TFEC: variants seen among roughly 807,000 people sequenced by gnomAD.
The protein encoded by TFEC is class E basic helix-loop-helix protein 34.
TFEC carries 31 observed loss-of-function variants against 41.6 expected under a neutral mutation model. The observed-to-expected ratio is 0.74, with a 90% CI of 0.56 to 1.01. TFEC has a LOEUF of 1.01. Among genes scored for constraint, TFEC ranks in the 50% least tolerant of loss-of-function variants. The probability of loss-of-function intolerance (pLI) is 0.00; values close to 1 mark genes in which losing one functional copy is unlikely to be tolerated. For synonymous variants in TFEC, 143 were observed against 140.6 expected (o/e 1.02, Z -0.12); for missense variants, 402 against 404.1 (o/e 0.99, Z 0.04).
At chr7:116,148,439 C>T (rs776764105) in intron 1 of TFEC, among the ~76,000 whole-genome samples, 15 of 152,044 alleles carry the variant, frequency 9.9e-5, no homozygotes, top group African/African-American at 3.6e-4. Flanking sequence ...ACAGAATCCA[C>T]GAACAGAGCA....
intron 1 of TFEC, among the ~76,000 whole-genome samples, chr7:116,123,355 G>T (rs922687152): frequency 2.0e-5 from 3 of 151,998 alleles, no homozygotes; most frequent in Non-Finnish European, 2.9e-5. Context: ...CTTAGTTTAT[G>T]ATTCTAGTTT....
chr7:116,131,874 G>C (rs1389957776), intron 1 of TFEC, among the ~76,000 whole-genome samples: 1 of 152,164 alleles, frequency 6.6e-6, no homozygotes, highest in Non-Finnish European at 1.5e-5. Context: ...AAAGTGAATT[G>C]AGATGAGCTT....
chr7:116,004,232 T>TA (rs1291497527), intron 1 of TFEC, among the ~76,000 whole-genome samples: 1 of 152,112 alleles, frequency 6.6e-6, no homozygotes, highest in African/African-American at 2.4e-5. Flanking sequence ...AGCCTCTAGC[T>TA]AACTAAGAAA....
chr7:116,010,529 G>A (rs1584691514), intron 1 of TFEC, among the ~76,000 whole-genome samples: 1 of 152,112 alleles, frequency 6.6e-6, no homozygotes, highest in South Asian at 2.1e-4. Context: ...AAGCCTTGAA[G>A]ATGTCCAGGA....
At chr7:116,104,181 T>G (rs1797666174) in intron 3 of TFEC, among the ~76,000 whole-genome samples, 1 of 152,134 alleles carries the variant, frequency 6.6e-6, no homozygotes, top group Non-Finnish European at 1.5e-5. Flanking sequence ...GACCCAGAAA[T>G]GTAGGTATTG....
chr7:116,066,601 G>A (rs1584474915), intron 3 of TFEC, among the ~76,000 whole-genome samples: 1 of 152,074 alleles, frequency 6.6e-6, no homozygotes, highest in South Asian at 2.1e-4. Context: ...AGGAAAAGTG[G>A]AAAATATTTG....
chr7:115,982,625 A>G (rs1793678332), intron 2 of TFEC, among the ~76,000 whole-genome samples: 1 of 152,202 alleles, frequency 6.6e-6, no homozygotes, highest in South Asian at 2.1e-4. Context: ...ACTTTTGTAT[A>G]CATAATTTAA....
chr7:116,019,406 T>C (rs1451204410), intron 1 of TFEC, among the ~76,000 whole-genome samples: 1 of 152,212 alleles, frequency 6.6e-6, no homozygotes, highest in Non-Finnish European at 1.5e-5. Context: ...TTCCCAAAGG[T>C]TGCAGCATCC....
chr7:116,035,597 TAAA>T (rs1562945702), upstream of TFEC, among the ~76,000 whole-genome samples: 1 of 151,956 alleles, frequency 6.6e-6, no homozygotes, highest in African/African-American at 2.4e-5. Context: ...TTTTGAAAAT[TAAA>T]AAAGTAAAGA....
intron 1 of TFEC, among the ~76,000 whole-genome samples, chr7:116,026,060 C>T (rs765760535): frequency 5.9e-5 from 9 of 152,178 alleles, no homozygotes; most frequent in Non-Finnish European, 1.0e-4. Flanking sequence ...TCAAAATATG[C>T]TAAAACATAA....
intron 1 of TFEC, among the ~76,000 whole-genome samples, chr7:116,126,608 A>G (rs1798213948): frequency 6.6e-6 from 1 of 152,142 alleles, no homozygotes; most frequent in South Asian, 2.1e-4. Flanking sequence ...AATCTGAGAG[A>G]AAATGACTTT....
At chr7:116,055,336 C>T (rs1395045910) in intron 3 of TFEC, among the ~76,000 whole-genome samples, 1 of 152,014 alleles carries the variant, frequency 6.6e-6, no homozygotes, top group Non-Finnish European at 1.5e-5. Flanking sequence ...TTAAATATGG[C>T]TTCTTTCCTT....
At chr7:115,972,859 GAAGT>G (rs752052406) in intron 3 of TFEC, among the ~76,000 whole-genome samples, 2 of 151,990 alleles carry the variant, frequency 1.3e-5, no homozygotes, top group Non-Finnish European at 1.5e-5. Context: ...CAATTTCAAT[GAAGT>G]AAGTACCATG....
chr7:116,130,366 A>G (rs1169154598), intron 1 of TFEC, among the ~76,000 whole-genome samples: 2 of 152,226 alleles, frequency 1.3e-5, no homozygotes, highest in East Asian at 3.8e-4. Flanking sequence ...CAAACATGTA[A>G]GCAAATGGCA....
At chr7:115,952,887 C>G (rs1171800384) in intron 5 of TFEC, among the ~76,000 whole-genome samples, 1 of 152,070 alleles carries the variant, frequency 6.6e-6, no homozygotes, top group Non-Finnish European at 1.5e-5. Context: ...AGCAAGGCAG[C>G]CACAGGGCCA....
chr7:116,027,350 C>T (rs1399835430), intron 1 of TFEC, among the ~76,000 whole-genome samples: 2 of 151,992 alleles, frequency 1.3e-5, no homozygotes, highest in Non-Finnish European at 2.9e-5. Context: ...TTTTGAGAGG[C>T]TGAGGCAACC....
At chr7:116,041,163 A>T (rs143498480) in intron 3 of TFEC, among the ~76,000 whole-genome samples, 20 of 152,298 alleles carry the variant, frequency 1.3e-4, no homozygotes, top group Admixed American at 7.9e-4. Flanking sequence ...TACTAATTAC[A>T]CTGGGTGTAA....
intron 1 of TFEC, among the ~76,000 whole-genome samples, chr7:116,139,276 T>C (rs1348633439): frequency 1.3e-5 from 2 of 152,180 alleles, no homozygotes; most frequent in Non-Finnish European, 2.9e-5. Flanking sequence ...GAATTATCTC[T>C]TACTCAGAGC....
At chr7:116,135,526 T>C (rs1798416937) in intron 1 of TFEC, among the ~76,000 whole-genome samples, 1 of 152,182 alleles carries the variant, frequency 6.6e-6, no homozygotes, top group African/African-American at 2.4e-5. Flanking sequence ...TTTTGTAGCT[T>C]CAGCAGCCAT....
Sources: allele counts gnomAD v4.1 joint callset (sites outside exome capture counted in the v4.1 genomes callset), GRCh38; gene constraint gnomAD v4.1.1; transcripts MANE v1.5; gene names NCBI Gene and HGNC (gene_info 2026-07-23, HGNC 2026-07-21).